OR1F1: variants seen among roughly 807,000 people sequenced by gnomAD.
The protein encoded by OR1F1 is olfactory receptor 1F1.
For synonymous variants in OR1F1, 184 were observed against 156.7 expected (o/e 1.17, Z -1.30); for missense variants, 493 against 376.3 (o/e 1.31, Z -2.57).
At chr16:3,190,577 C>T in the OR1F1 span, among the ~76,000 whole-genome samples, 1 of 151,882 alleles carries the variant, frequency 6.6e-6, no homozygotes. Flanking sequence ...ATGGTAAAAC[C>T]CTGTCTCTAC....
the OR1F1 span, chr16:3,191,178 G>C: frequency 6.6e-6 from 1 of 152,210 alleles, no homozygotes; most frequent in Non-Finnish European, 1.5e-5. Context: ...TCCAAAAAGA[G>C]GTTGTCGTTG....
the OR1F1 span, among the ~76,000 whole-genome samples, chr16:3,191,985 C>CTG: frequency 6.6e-6 from 1 of 152,210 alleles, no homozygotes; most frequent in African/African-American, 2.4e-5. Flanking sequence ...GGGCCTGCTG[C>CTG]TGTGGCTCGT....
the OR1F1 span, among the ~76,000 whole-genome samples, chr16:3,197,547 G>A: frequency 4.6e-5 from 6 of 131,702 alleles, no homozygotes; most frequent in African/African-American, 1.5e-4. Context: ...CTCAGACAGC[G>A]CAGTCCTACA....
chr16:3,202,097 T>C (rs561283600), upstream of OR1F1, among the ~76,000 whole-genome samples: 2 of 152,286 alleles, frequency 1.3e-5, no homozygotes, highest in South Asian at 4.1e-4. Flanking sequence ...CCAAGAACCC[T>C]TGCAGACTAG....
the OR1F1 span, among the ~76,000 whole-genome samples, chr16:3,188,831 C>T: frequency 9.8e-5 from 15 of 152,352 alleles, no homozygotes; most frequent in South Asian, 3.1e-3. Flanking sequence ...ACGCCTGCTG[C>T]CCCACGGCCT....
chr16:3,204,224 T>G (rs771074425), upstream of OR1F1: 2 of 1,549,924 alleles, frequency 1.3e-6, no homozygotes, highest in Non-Finnish European at 1.7e-6. Context: ...TTTGTCTGCC[T>G]CTGTGTCCAG....
chr16:3,199,321 T>A (rs2113250), upstream of OR1F1, among the ~76,000 whole-genome samples: 30,452 of 151,156 alleles, frequency 0.2, 3,190 homozygotes, highest in Non-Finnish European at 0.24. Flanking sequence ...ATAATTATTA[T>A]GATGATGAAA....
At chr16:3,195,064 C>A in the OR1F1 span, among the ~76,000 whole-genome samples, 1 of 152,208 alleles carries the variant, frequency 6.6e-6, no homozygotes, top group African/African-American at 2.4e-5. Flanking sequence ...GGCCCCGTGT[C>A]CCCCGGAGCA....
At chr16:3,190,254 T>G in the OR1F1 span, among the ~76,000 whole-genome samples, 2 of 152,130 alleles carry the variant, frequency 1.3e-5, no homozygotes, top group Non-Finnish European at 2.9e-5. Context: ...TCTGCTCCCC[T>G]GTCCTGGTTT....
chr16:3,198,663 A>C, the OR1F1 span, among the ~76,000 whole-genome samples: 1 of 152,158 alleles, frequency 6.6e-6, no homozygotes, highest in Admixed American at 6.5e-5. Flanking sequence ...GGTAGAAACC[A>C]TGAGGTCTTC....
the OR1F1 span, among the ~76,000 whole-genome samples, chr16:3,193,966 G>C: frequency 6.6e-6 from 1 of 152,206 alleles, no homozygotes; most frequent in Non-Finnish European, 1.5e-5. Context: ...GCCAGGGATT[G>C]TGGGTTCGAG....
chr16:3,202,706 A>G (rs1958148895), upstream of OR1F1, among the ~76,000 whole-genome samples: 1 of 142,100 alleles, frequency 7.0e-6, no homozygotes. Context: ...TAATAATAAT[A>G]ACAATTTAAT....
the OR1F1 span, among the ~76,000 whole-genome samples, chr16:3,189,194 G>A: frequency 6.6e-6 from 1 of 152,238 alleles, no homozygotes; most frequent in Admixed American, 6.5e-5. Context: ...CGTGCACTCC[G>A]TCAGGCCTTT....
the OR1F1 span, among the ~76,000 whole-genome samples, chr16:3,196,383 A>ATAT: frequency 9.0e-3 from 1,372 of 152,148 alleles, 31 homozygotes; most frequent in African/African-American, 0.032. Context: ...TAAAGTAAAA[A>ATAT]TATTATTATT....
At chr16:3,189,653 A>G in the OR1F1 span, 6 of 151,912 alleles carry the variant, frequency 3.9e-5, no homozygotes, top group African/African-American at 4.8e-5. Flanking sequence ...GTCTAGGGGT[A>G]TGATTCTCGC....
At chr16:3,195,134 G>T in the OR1F1 span, among the ~76,000 whole-genome samples, 2 of 152,194 alleles carry the variant, frequency 1.3e-5, no homozygotes, top group Non-Finnish European at 1.5e-5. Flanking sequence ...CTTGCTCAGA[G>T]CCCGGGTCCT....
upstream of OR1F1, among the ~76,000 whole-genome samples, chr16:3,202,952 C>A (rs78710303): frequency 3.9e-4 from 59 of 151,534 alleles, no homozygotes; most frequent in East Asian, 0.01. Flanking sequence ...CTGTGAAAAT[C>A]CAAAGGTTAT....
chr16:3,191,728 C>A, the OR1F1 span, among the ~76,000 whole-genome samples: 1 of 151,958 alleles, frequency 6.6e-6, no homozygotes, highest in Non-Finnish European at 1.5e-5. Flanking sequence ...AGTGAAATGA[C>A]CAAAGGCAGC....
exon 1 of OR1F1, chr16:3,204,964 A>G (rs200722856): frequency 3.0e-4 from 489 of 1,614,014 alleles, no homozygotes; most frequent in Middle Eastern, 8.2e-4. Context: ...AGCCTTCTCC[A>G]CCTGTGGTTC....
Sources: gnomAD v4.1 joint callset for allele counts (sites outside exome capture counted in the v4.1 genomes callset) on GRCh38, gnomAD v4.1.1 for gene constraint, MANE v1.5 for transcripts, NCBI Gene and HGNC (gene_info 2026-07-23, HGNC 2026-07-21) for gene names.